RUFY2: variants seen among roughly 807,000 people sequenced by gnomAD.
RUFY2 encodes RUN and FYVE domain-containing protein 2.
A neutral mutation model predicts 94.4 loss-of-function variants in RUFY2; 49 were observed. The ratio of observed to expected loss-of-function variants is 0.52; its 90% CI spans 0.41 to 0.66. The LOEUF is 0.66. Ranked by LOEUF, RUFY2 falls within the 30% of genes least tolerant of loss-of-function variation. RUFY2 has a pLI of 0.00. For synonymous variants in RUFY2, 255 were observed against 235.7 expected (o/e 1.08, Z -0.75); for missense variants, 541 against 692.8 (o/e 0.78, Z 2.46).
intron 16 of RUFY2, among the ~76,000 whole-genome samples, chr10:68,348,780 C>T (rs2046456230): frequency 6.6e-6 from 1 of 152,110 alleles, no homozygotes; most frequent in Non-Finnish European, 1.5e-5. Context: ...GTGAAGGGAT[C>T]TCAGAGATGA....
rs73274763 is a variant in RUFY2 at position 68,373,916 on chromosome 10, G to A, written c.1325+2937C>T. On this transcript the variant is annotated intron_variant, in intron 13 of 17. Transcript: ENST00000602465. The stretch of plus-strand genomic sequence containing the variant: ...GCTCAGGACTTCAAGATCAGTGTGG[G>A]CAACATACCAAGACCTTGTCTCTAC... Among the ~76,000 whole-genome samples, 719 of 152,030 alleles carry A rather than the reference G, an allele frequency of 4.7e-3. 7 individuals carry two copies. Among genetic ancestry groups the A allele is most frequent in the African/African-American group, 0.016 (682 of 41,496 alleles).
intron 10 of RUFY2, among the ~76,000 whole-genome samples, chr10:68,383,510 C>T (rs951108398): frequency 3.9e-5 from 6 of 151,942 alleles, no homozygotes; most frequent in Non-Finnish European, 8.8e-5. Context: ...CTCCCAATTA[C>T]TTGGGAGGCT....
downstream of RUFY2, chr10:68,342,454 A>G (rs1292648590): frequency 6.3e-6 from 1 of 157,970 alleles, no homozygotes; most frequent in Admixed American, 6.3e-5. Flanking sequence ...AGAGCTTGAC[A>G]AATAATTAGT....
intron 13 of RUFY2, among the ~76,000 whole-genome samples, chr10:68,364,873 G>T (rs72797503): frequency 1.9e-3 from 284 of 151,664 alleles, no homozygotes; most frequent in Non-Finnish European, 3.5e-3. Context: ...TCTAACAGGT[G>T]CTAGCTGGCA....
chr10:68,344,330 A>G lies in RUFY2; in HGVS notation c.*1438T>C, dbSNP rs923987060. ...AGGGAGGTACCTAGGATTAACCACT[A>G]AATATAATGCTCTTAATCCATAAAT... On this transcript the variant is annotated 3_prime_UTR_variant, in exon 18 of 18. Coordinates refer to ENST00000602465, the MANE Select transcript of RUFY2 (RefSeq NM_001330103.2). The G allele has an allele frequency of 6.6e-6, 1 of 152,202 alleles. No individual in the cohort carries two copies. Among genetic ancestry groups the G allele is most frequent in the African/African-American group, 2.4e-5 (1 of 41,456 alleles). The allele number at this position is 152,202 out of a possible 1,614,324, so 9.4% of individuals were successfully genotyped here. A position where few individuals can be genotyped will look rare whatever the true frequency, so the allele number is the denominator to read the frequency against.
intron 11 of RUFY2, 148 bp from the exon 12 acceptor site, chr10:68,379,669 G>A (rs1420380384): frequency 3.5e-6 from 2 of 568,256 alleles, no homozygotes; most frequent in South Asian, 2.4e-5. Context: ...CCACCTCTCA[G>A]CCTCCCAAGT....
intron 2 of RUFY2, among the ~76,000 whole-genome samples, 196 bp downstream of exon 2, chr10:68,404,471 CAATT>C (rs778280548): frequency 3.5e-4 from 53 of 152,074 alleles, no homozygotes; most frequent in Non-Finnish European, 6.6e-4. Context: ...AAAATATTAA[CAATT>C]AAGCATTTTC....
rs145996138 is a variant in RUFY2 at position 68,396,059 on chromosome 10, C to T, written c.398+721G>A. ...TATCACCCAGGCTGGAGTGCAGTGGCGCGATCTCAGGTCACTGCAACCTCC... is the reference window on the plus strand; with the variant it reads ...TATCACCCAGGCTGGAGTGCAGTGGTGCGATCTCAGGTCACTGCAACCTCC... On this transcript the variant is annotated intron_variant, in intron 4 of 17. Coordinates refer to ENST00000602465, the MANE Select transcript of RUFY2 (RefSeq NM_001330103.2). 9.7e-3 allele frequency among the ~76,000 whole-genome samples: 1,474 copies of T among 152,290 alleles called. 22 individuals are homozygous for T. Among genetic ancestry groups the T allele is most frequent in the East Asian group, 0.071 (366 of 5,186 alleles).
intron 1 of RUFY2, 51 bp downstream of exon 1, chr10:68,407,135 C>G: frequency 1.3e-6 from 2 of 1,514,168 alleles, no homozygotes; most frequent in Non-Finnish European, 1.8e-6. Flanking sequence ...GGCCGCGGCC[C>G]TCAGCCCGGG....
chr10:68,360,193 G>T (rs1355490000), intron 15 of RUFY2, among the ~76,000 whole-genome samples: 1 of 152,054 alleles, frequency 6.6e-6, no homozygotes, highest in East Asian at 2.0e-4. Flanking sequence ...CCAACACTTT[G>T]TGAGGCTGAG....
chr10:68,354,474 C>A (rs2046908828), intron 16 of RUFY2, among the ~76,000 whole-genome samples: 2 of 152,146 alleles, frequency 1.3e-5, no homozygotes, highest in African/African-American at 4.8e-5. Flanking sequence ...TCATGTAACA[C>A]TTTTTGATTT....
At chr10:68,377,533 C>G (rs752051970) in intron 12 of RUFY2, 34 of 985,220 alleles carry the variant, frequency 3.5e-5, no homozygotes, top group African/African-American at 1.2e-4. Context: ...TGTGTGTGCA[C>G]GTGTGCATAT....
chr10:68,354,243 C>G (rs2046894958), intron 16 of RUFY2, among the ~76,000 whole-genome samples: 2 of 152,056 alleles, frequency 1.3e-5, no homozygotes. Context: ...GTAGCATGAT[C>G]AAGGCTCCCT....
intron 15 of RUFY2, among the ~76,000 whole-genome samples, chr10:68,361,848 A>G (rs1288628438): frequency 6.6e-6 from 1 of 152,218 alleles, no homozygotes; most frequent in African/African-American, 2.4e-5. Flanking sequence ...ATGTTTACAC[A>G]TAGAATTGTT....
intron 1 of RUFY2, chr10:68,406,845 C>T (rs762296585): frequency 6.2e-7 from 1 of 1,612,250 alleles, no homozygotes; most frequent in Non-Finnish European, 8.5e-7. Context: ...TCCGCCACCC[C>T]CAAACCTGAA....
At chr10:68,343,170 T>C (rs1156633273), downstream of RUFY2, 1 of 152,242 alleles carries the variant, frequency 6.6e-6, no homozygotes, top group Admixed American at 6.5e-5. Flanking sequence ...ATGTTATTAA[T>C]AAATGTCATT....
intron 3 of RUFY2, among the ~76,000 whole-genome samples, chr10:68,400,520 C>CA (rs1456752937): frequency 4.1e-5 from 6 of 148,072 alleles, no homozygotes; most frequent in East Asian, 2.1e-4. Context: ...ACTAAAAATA[C>CA]AAAAAATCAG....
intron 3 of RUFY2, among the ~76,000 whole-genome samples, chr10:68,400,948 G>C (rs2050795456): frequency 6.6e-6 from 1 of 152,278 alleles, no homozygotes; most frequent in East Asian, 1.9e-4. Context: ...GGGAGGTGGA[G>C]CTTGCAGTGA....
intron 8 of RUFY2, among the ~76,000 whole-genome samples, chr10:68,385,513 T>C (rs2132879624): frequency 6.6e-6 from 1 of 152,220 alleles, no homozygotes. Flanking sequence ...GATCATGCAG[T>C]GATGCCTGTG....
Sources: allele counts gnomAD v4.1 joint callset (sites outside exome capture counted in the v4.1 genomes callset), GRCh38; gene constraint gnomAD v4.1.1; transcripts MANE v1.5; gene names NCBI Gene and HGNC (gene_info 2026-07-23, HGNC 2026-07-21).